Variants in ITPK1 observed in about 807,000 individuals in gnomAD.
ITPK1 encodes the protein inositol-tetrakisphosphate 1-kinase.
In ITPK1, 21 loss-of-function variants were observed where a neutral mutation model predicts 45.3. The observed-to-expected ratio is 0.46, with a 90% CI of 0.33 to 0.67. The LOEUF is 0.67. ITPK1 is among the 30% of genes least tolerant of loss of function. The probability of loss-of-function intolerance (pLI) is 0.02; values close to 1 mark genes in which losing one functional copy is unlikely to be tolerated. For missense variants in ITPK1, 474 were observed against 573.5 expected (o/e 0.83, Z 1.77); for synonymous variants, 258 against 253.6 (o/e 1.02, Z -0.16).
At chr14:93,004,886 G>A (rs117277090) in intron 4 of ITPK1, among the ~76,000 whole-genome samples, 1 of 152,032 alleles carries the variant, frequency 6.6e-6, no homozygotes, top group Non-Finnish European at 1.5e-5. Flanking sequence ...ACTCCAAGCA[G>A]AGGGGACAGC....
chr14:92,945,337 A>AC (rs1251195728), intron 10 of ITPK1, among the ~76,000 whole-genome samples: 1 of 152,200 alleles, frequency 6.6e-6, no homozygotes, highest in Non-Finnish European at 1.5e-5. Flanking sequence ...GGTGACACAC[A>AC]CAGAAAGTGC....
rs137922782 is a variant in ITPK1 at position 93,016,606 on chromosome 14, C to T, written c.246+70G>A. 265 of 1,554,172 alleles carry T rather than the reference C, an allele frequency of 1.7e-4. No homozygotes were observed. Among genetic ancestry groups the T allele is most frequent in the Non-Finnish European group, 2.2e-4 (246 of 1,133,606 alleles). On this transcript the variant is annotated intron_variant, in intron 4 of 10. Transcript: ENST00000267615. The surrounding 1 kb of genome is among the most constrained non-coding windows in gnomAD (Gnocchi z 5.0). ...GCTGCTACCGCCCTAAATACACACA[C>T]GGCCATTCCAGGGCCTCCCCTCCTC...
At chr14:92,968,792 C>T (rs565315210) in intron 5 of ITPK1, among the ~76,000 whole-genome samples, 1 of 152,178 alleles carries the variant, frequency 6.6e-6, no homozygotes, top group Non-Finnish European at 1.5e-5. Context: ...CTCTGAGCGG[C>T]AGACACACCG....
At chr14:93,080,622 T>C (rs1891396469) in intron 2 of ITPK1, among the ~76,000 whole-genome samples, 1 of 152,212 alleles carries the variant, frequency 6.6e-6, no homozygotes, top group South Asian at 2.1e-4. Flanking sequence ...TGTGCTGCAG[T>C]GTTAACTGTG....
At chr14:93,005,738 A>G (rs1887577421) in intron 4 of ITPK1, among the ~76,000 whole-genome samples, 1 of 152,240 alleles carries the variant, frequency 6.6e-6, no homozygotes, top group African/African-American at 2.4e-5. Context: ...TTTATCCTAC[A>G]GAATTCCTCA....
At chr14:93,064,311 G>A (rs376210926) in intron 3 of ITPK1, among the ~76,000 whole-genome samples, 1 of 152,140 alleles carries the variant, frequency 6.6e-6, no homozygotes, top group African/African-American at 2.4e-5. Context: ...TTTTCGTAGA[G>A]ATGGGGTCTC....
chr14:93,114,152 G>A (rs1182445571), intron 2 of ITPK1, among the ~76,000 whole-genome samples: 1 of 152,280 alleles, frequency 6.6e-6, no homozygotes, highest in Non-Finnish European at 1.5e-5. Context: ...TTCAGAGCTA[G>A]ATTCTCTTAG....
At position 93,008,424 on chromosome 14, in the gene ITPK1, G is replaced by A. The variant is rs117483688; in HGVS notation, c.246+8252C>T. Reference sequence around the variant, plus strand: ...CTGGCAGACAGTAAGTTCTCACTAAGACTTGCTGAATGAACATAATAGTTA... The same window carrying A: ...CTGGCAGACAGTAAGTTCTCACTAAAACTTGCTGAATGAACATAATAGTTA... On this transcript the variant is annotated intron_variant, in intron 4 of 10. Coordinates refer to ENST00000267615, the MANE Select transcript of ITPK1 (RefSeq NM_014216.6). 3.1e-4 allele frequency among the ~76,000 whole-genome samples: 47 copies of A among 152,340 alleles called. 1 individual carries two copies. In the East Asian group the frequency reaches 8.9e-3, roughly 29 times the overall value.
intron 10 of ITPK1, among the ~76,000 whole-genome samples, chr14:92,944,052 G>A (rs1401328781): frequency 1.3e-5 from 2 of 152,184 alleles, no homozygotes; most frequent in Non-Finnish European, 2.9e-5. Flanking sequence ...ACAACGCCTC[G>A]TGAGGACGAA....
At chr14:92,985,255 G>A (rs575663507) in intron 5 of ITPK1, among the ~76,000 whole-genome samples, 134 of 152,128 alleles carry the variant, frequency 8.8e-4, no homozygotes, top group Non-Finnish European at 1.4e-3. Context: ...ATTGGATCCT[G>A]GACTAAAAAA....
At chr14:92,997,466 C>T (rs1887114129) in intron 4 of ITPK1, among the ~76,000 whole-genome samples, 1 of 152,212 alleles carries the variant, frequency 6.6e-6, no homozygotes. Flanking sequence ...TCTTCCTAAA[C>T]ACGATCTCTT....
chr14:93,097,007 C>T (rs1201221754), intron 2 of ITPK1, among the ~76,000 whole-genome samples: 8 of 152,206 alleles, frequency 5.3e-5, no homozygotes, highest in Non-Finnish European at 8.8e-5. Context: ...GGGCACACAG[C>T]GGACACTTCG....
chr14:92,959,069 G>C (rs1350188997), intron 7 of ITPK1, among the ~76,000 whole-genome samples: 1 of 152,210 alleles, frequency 6.6e-6, no homozygotes, highest in Non-Finnish European at 1.5e-5. Context: ...ACAGGCCTTT[G>C]TGCTCCTGGT....
At chr14:93,069,675 C>G in intron 3 of ITPK1, 1 of 152,706 alleles carries the variant, frequency 6.5e-6, no homozygotes, top group South Asian at 2.1e-4. Context: ...ACAGTTCCTT[C>G]GCCTCCAGAG....
In ITPK1 at chr14:92,938,188, G is replaced by C; in HGVS notation, c.*3373C>G. ...TTGGCCAGGATGGTGTCGATCTCTT[G>C]ACCTTGTGATCCACCTGCCTCAGCC... On this transcript the variant is annotated 3_prime_UTR_variant, in exon 11 of 11. Coordinates refer to ENST00000267615, the MANE Select transcript of ITPK1 (RefSeq NM_014216.6). 1 of 495,548 alleles carries C rather than the reference G, an allele frequency of 2.0e-6. No homozygotes were observed. Among genetic ancestry groups the C allele is most frequent in the Non-Finnish European group, 3.6e-6 (1 of 278,862 alleles). The allele number at this position is 495,548 out of a possible 1,614,324, so 30.7% of individuals were successfully genotyped here. A position where few individuals can be genotyped will look rare whatever the true frequency, so the allele number is the denominator to read the frequency against.
At chr14:92,986,265 C>T (rs1886479781) in intron 5 of ITPK1, among the ~76,000 whole-genome samples, 1 of 152,188 alleles carries the variant, frequency 6.6e-6, no homozygotes, top group Non-Finnish European at 1.5e-5. Flanking sequence ...CTGTTGGATA[C>T]CTTCTGACCA....
intron 9 of ITPK1, among the ~76,000 whole-genome samples, chr14:92,950,325 C>T (rs1296430361): frequency 6.6e-6 from 1 of 152,264 alleles, no homozygotes; most frequent in Non-Finnish European, 1.5e-5. Context: ...GGTGGATGAG[C>T]AGCAAGCGTG....
At chr14:93,038,305 G>A (rs568548653) in intron 3 of ITPK1, among the ~76,000 whole-genome samples, 6 of 152,232 alleles carry the variant, frequency 3.9e-5, no homozygotes, top group South Asian at 2.1e-4. Context: ...AAAGTACTGG[G>A]ATTATAGGTG....
chr14:93,105,219 C>G (rs925287071), intron 2 of ITPK1, among the ~76,000 whole-genome samples: 1 of 152,114 alleles, frequency 6.6e-6, no homozygotes. Context: ...GCTCAGGGTA[C>G]AGAGACCCAG....
Sources: gnomAD v4.1 joint callset for allele counts (sites outside exome capture counted in the v4.1 genomes callset) on GRCh38, gnomAD v4.1.1 for gene constraint, Gnocchi (gnomAD v3.1) non-coding constraint, MANE v1.5 for transcripts, NCBI Gene and HGNC (gene_info 2026-07-23, HGNC 2026-07-21) for gene names.